The following NTRK2 variants were observed in gnomAD, a reference collection of about 807,000 sequenced individuals.
The protein encoded by NTRK2 is BDNF/NT-3 growth factors receptor.
A neutral mutation model predicts 94.5 loss-of-function variants in NTRK2; 13 were observed. The ratio of observed to expected loss-of-function variants is 0.14; its 90% CI spans 0.09 to 0.22. NTRK2 has a LOEUF of 0.22. NTRK2 is among the 10% of genes least tolerant of loss of function. The pLI is 1.00. For missense variants in NTRK2, 639 were observed against 1,071.2 expected (o/e 0.60, Z 5.63); for synonymous variants, 372 against 407.4 (o/e 0.91, Z 1.05).
At chr9:84,943,012 C>T (rs1357925992) in intron 15 of NTRK2, among the ~76,000 whole-genome samples, 2 of 152,056 alleles carry the variant, frequency 1.3e-5, no homozygotes, top group African/African-American at 4.8e-5. Flanking sequence ...TTTAAATTTC[C>T]CTCTGTGTTT....
chr9:84,912,680 G>A (rs562319185), intron 14 of NTRK2, among the ~76,000 whole-genome samples: 13 of 141,934 alleles, frequency 9.2e-5, no homozygotes, highest in East Asian at 4.4e-4. Flanking sequence ...GTGCAGTGGC[G>A]CGATCTTGGC....
At chr9:84,935,107 G>A (rs1290864849) in intron 15 of NTRK2, among the ~76,000 whole-genome samples, 1 of 151,896 alleles carries the variant, frequency 6.6e-6, no homozygotes. Context: ...CACTTAAAAG[G>A]GGCATATATT....
intron 12 of NTRK2, among the ~76,000 whole-genome samples, chr9:84,807,427 T>C (rs901163451): frequency 6.6e-6 from 1 of 152,202 alleles, no homozygotes; most frequent in African/African-American, 2.4e-5. Flanking sequence ...ACATCCCATT[T>C]CTCAGATAGC....
chr9:84,874,733 G>A, intron 14 of NTRK2: 1 of 1,061,474 alleles, frequency 9.4e-7, no homozygotes, highest in Non-Finnish European at 1.1e-6. Context: ...CTCTGAGACT[G>A]AGAGAGCAGC....
intron 17 of NTRK2, among the ~76,000 whole-genome samples, chr9:84,958,576 T>C (rs541151708): frequency 6.6e-6 from 1 of 152,330 alleles, no homozygotes; most frequent in South Asian, 2.1e-4. Flanking sequence ...TGGCCACTAC[T>C]CGGTTGCAGT....
chr9:84,873,551 A>G, intron 14 of NTRK2: 20 of 1,054,560 alleles, frequency 1.9e-5, no homozygotes, highest in Non-Finnish European at 2.2e-5. Flanking sequence ...TCCCTTTTCA[A>G]CTCCAAAGGA....
At chr9:84,940,554 A>T (rs2078372883) in intron 15 of NTRK2, among the ~76,000 whole-genome samples, 1 of 152,230 alleles carries the variant, frequency 6.6e-6, no homozygotes, top group Non-Finnish European at 1.5e-5. Context: ...GTCATCTGCA[A>T]TGCCATTTAG....
chr9:84,772,951 C>T (rs150528168), intron 12 of NTRK2, among the ~76,000 whole-genome samples: 2 of 152,256 alleles, frequency 1.3e-5, no homozygotes, highest in African/African-American at 4.8e-5. Flanking sequence ...GGAGTTGATA[C>T]TGCAGGCACA....
chr9:84,949,803 C>T (rs1190404555), intron 16 of NTRK2, among the ~76,000 whole-genome samples: 1 of 152,310 alleles, frequency 6.6e-6, no homozygotes, highest in Admixed American at 6.5e-5. Context: ...TTCTCAAGAA[C>T]TCCCCTCCCT....
At chr9:84,997,422 T>C (rs761325214) in intron 17 of NTRK2, among the ~76,000 whole-genome samples, 1 of 152,154 alleles carries the variant, frequency 6.6e-6, no homozygotes, top group Non-Finnish European at 1.5e-5. Context: ...GGCTCTGAGC[T>C]TATGTTTAGA....
chr9:84,820,462 G>A (rs1025713155), intron 12 of NTRK2, among the ~76,000 whole-genome samples: 2 of 152,128 alleles, frequency 1.3e-5, no homozygotes, highest in African/African-American at 4.8e-5. Flanking sequence ...GAGCCACCGT[G>A]CCCAGCCAAT....
chr9:84,724,396 A>G, intron 8 of NTRK2, 40 bp downstream of exon 8: 1 of 1,613,464 alleles, frequency 6.2e-7, no homozygotes, highest in South Asian at 1.1e-5. Context: ...ATAGCAAATG[A>G]TCATGGACGT....
intron 17 of NTRK2, among the ~76,000 whole-genome samples, chr9:84,984,271 G>C (rs927113849): frequency 6.6e-6 from 1 of 151,982 alleles, no homozygotes; most frequent in Non-Finnish European, 1.5e-5. Flanking sequence ...TCAGGAGTTC[G>C]AGGGCAGCCT....
chr9:84,844,659 A>T (rs1319146659), intron 12 of NTRK2, among the ~76,000 whole-genome samples: 1 of 144,680 alleles, frequency 6.9e-6, no homozygotes, highest in East Asian at 2.0e-4. Flanking sequence ...TCACACACAC[A>T]CACACACACA....
rs377016081 is a variant in NTRK2 at position 84,806,701 on chromosome 9, G to C, written c.1397-54339G>C. Among the ~76,000 whole-genome samples, 39 of 152,346 alleles carry C rather than the reference G, an allele frequency of 2.6e-4. No individual in the cohort carries two copies. In the East Asian group the frequency reaches 7.5e-3, roughly 29 times the overall value. On this transcript the variant is annotated intron_variant, in intron 12 of 18. Coordinates refer to ENST00000277120, the MANE Select transcript of NTRK2 (RefSeq NM_006180.6). ...ACAACAGCAAGGGATAGTTGGTGCA[G>C]CAACCAACAGATATAAAGTGCTCCA...
intron 9 of NTRK2, among the ~76,000 whole-genome samples, chr9:84,734,378 C>A (rs1290445768): frequency 6.6e-6 from 1 of 152,200 alleles, no homozygotes; most frequent in African/African-American, 2.4e-5. Flanking sequence ...AGCTTTCTAC[C>A]CAGAAATGCT....
chr9:84,969,648 G>A (rs1825960544), intron 17 of NTRK2, among the ~76,000 whole-genome samples: 1 of 152,220 alleles, frequency 6.6e-6, no homozygotes, highest in Non-Finnish European at 1.5e-5. Context: ...CATAAATGAT[G>A]TTTTGAGATA....
chr9:84,681,930 T>G (rs1364955518), intron 2 of NTRK2, among the ~76,000 whole-genome samples: 2 of 152,230 alleles, frequency 1.3e-5, no homozygotes, highest in Non-Finnish European at 2.9e-5. Context: ...AGTCTTTTTC[T>G]ACACCAGCAG....
intron 4 of NTRK2, among the ~76,000 whole-genome samples, chr9:84,704,623 A>G (rs957594057): frequency 1.3e-5 from 2 of 152,214 alleles, no homozygotes; most frequent in African/African-American, 2.4e-5. Flanking sequence ...CTAAAGGGAC[A>G]TACATATCTT....
Sources: allele counts gnomAD v4.1 joint callset (sites outside exome capture counted in the v4.1 genomes callset), GRCh38; gene constraint gnomAD v4.1.1; transcripts MANE v1.5; gene names NCBI Gene and HGNC (gene_info 2026-07-23, HGNC 2026-07-21).